CELF2: variants seen among roughly 807,000 people sequenced by gnomAD.
CELF2 encodes CUGBP Elav-like family member 2, also known as CUG triplet repeat RNA-binding protein 2.
A neutral mutation model predicts 62.6 loss-of-function variants in CELF2; 8 were observed. The ratio of observed to expected loss-of-function variants is 0.13; its 90% CI spans 0.07 to 0.23. The LOEUF is 0.23. Among genes scored for constraint, CELF2 ranks in the 10% least tolerant of loss-of-function variants. The pLI, the probability that CELF2 is intolerant of heterozygous loss-of-function variation, is 1.00. For missense variants in CELF2, 333 were observed against 671.0 expected, an observed-to-expected ratio of 0.50 and a Z score of 5.56; for synonymous variants, 258 against 250.0, an observed-to-expected ratio of 1.03 and a Z score of -0.30.
At chr10:11,253,026 G>A (rs560615315) in intron 4 of CELF2, among the ~76,000 whole-genome samples, 2 of 152,062 alleles carry the variant, frequency 1.3e-5, no homozygotes, top group Admixed American at 6.5e-5. Flanking sequence ...TGTGCCCAAC[G>A]AGGTACCAGC....
intron 3 of CELF2, among the ~76,000 whole-genome samples, chr10:11,232,013 T>C (rs574004813): frequency 2.6e-4 from 39 of 152,326 alleles, no homozygotes; most frequent in African/African-American, 8.9e-4. Context: ...TTATTATACT[T>C]TAAGTTTTAG....
chr10:10,619,128 A>G, the CELF2 span, among the ~76,000 whole-genome samples: 1 of 152,236 alleles, frequency 6.6e-6, no homozygotes, highest in African/African-American at 2.4e-5. Context: ...CTATTGGCAC[A>G]GCTGCTAGCA....
At chr10:10,557,114 T>A in the CELF2 span, among the ~76,000 whole-genome samples, 1 of 143,396 alleles carries the variant, frequency 7.0e-6, no homozygotes, top group African/African-American at 2.7e-5. Flanking sequence ...TGCCCATGCC[T>A]ATGTCCTGAA....
At chr10:10,813,385 A>T (rs949705509) in intron 1 of CELF2, among the ~76,000 whole-genome samples, 1 of 152,240 alleles carries the variant, frequency 6.6e-6, no homozygotes, top group Non-Finnish European at 1.5e-5. Flanking sequence ...TCTTATAAAG[A>T]TACAAATGTC....
chr10:11,274,275 G>T (rs1185802816), intron 7 of CELF2, among the ~76,000 whole-genome samples: 5 of 152,126 alleles, frequency 3.3e-5, no homozygotes, highest in Admixed American at 3.3e-4. Context: ...TTAAGCTGCG[G>T]TTCAGCTGAG....
rs142165302 is a variant in CELF2 at position 11,023,276 on chromosome 10, G to A, written c.74+5113G>A. On this transcript the variant is annotated intron_variant, in intron 1 of 12. Transcript: ENST00000633077. ...TTGTTTCCTCCACCAAGGAGGTGCC[G>A]AGTAATATAATGAAGCCAGTATCAG... 2.1e-3 allele frequency among the ~76,000 whole-genome samples: 314 copies of A among 152,302 alleles called. 2 individuals carry two copies. Among genetic ancestry groups the A allele is most frequent in the Non-Finnish European group, 3.2e-3 (218 of 68,028 alleles).
At chr10:11,259,128 A>G (rs1046985892) in intron 5 of CELF2, among the ~76,000 whole-genome samples, 1 of 152,252 alleles carries the variant, frequency 6.6e-6, no homozygotes, top group Admixed American at 6.5e-5. Flanking sequence ...CTGGGCCAGC[A>G]CTGGCACCCC....
At chr10:10,959,298 T>C (rs999901983) in intron 2 of CELF2, among the ~76,000 whole-genome samples, 4 of 152,028 alleles carry the variant, frequency 2.6e-5, no homozygotes, top group Admixed American at 2.6e-4. Context: ...AATAAAAAAG[T>C]CTTGGATCCA....
rs974372043 is a variant in CELF2, at chr10:11,242,987, C to T, written c.355-6166C>T. Among the ~76,000 whole-genome samples, 1 of 152,126 alleles carries T rather than the reference C, an allele frequency of 6.6e-6. No individual in the cohort carries two copies. Among genetic ancestry groups the T allele is most frequent in the Admixed American group, 6.6e-5 (1 of 15,264 alleles). ...AAACCACTGCGTGCTGTCGTGGGTG[C>T]AGAAGCTTAGCTTTGGGGTAGAAGG... On this transcript the variant is annotated intron_variant, in intron 3 of 12. Coordinates refer to ENST00000633077, the MANE Select transcript of CELF2 (RefSeq NM_001326342.2). This position sits in a 1 kb window ranked among gnomAD's most constrained non-coding sequence, Gnocchi z 4.8.
At chr10:10,849,909 G>GAGGC (rs2059274238) in intron 1 of CELF2, among the ~76,000 whole-genome samples, 1 of 151,944 alleles carries the variant, frequency 6.6e-6, no homozygotes, top group Non-Finnish European at 1.5e-5. Context: ...TTGGGAGGCC[G>GAGGC]AGGCAGGCAG....
intron 2 of CELF2, among the ~76,000 whole-genome samples, chr10:10,991,366 C>T (rs910527637): frequency 4.6e-5 from 7 of 152,088 alleles, no homozygotes; most frequent in East Asian, 1.9e-4. Flanking sequence ...ATGAGGCACA[C>T]GCTAAGGGGA....
At chr10:10,678,655 TTGAC>T in the CELF2 span, among the ~76,000 whole-genome samples, 1 of 152,112 alleles carries the variant, frequency 6.6e-6, no homozygotes, top group Non-Finnish European at 1.5e-5. Context: ...GTGAAGGAGA[TTGAC>T]TGTTGATAGG....
Position 11,280,416 on chromosome 10 carries a change from C to T in CELF2, c.841+5296C>T, listed in dbSNP as rs1226132835. On this transcript the variant is annotated intron_variant, in intron 8 of 12. Coordinates refer to ENST00000633077, the MANE Select transcript of CELF2 (RefSeq NM_001326342.2). The surrounding 1 kb of genome is among the most constrained non-coding windows in gnomAD (Gnocchi z 7.6). ...CGCACATCAGGCCAGTGCCTTTCCC[C>T]AAAACCGTTTCTCCCCCGCATAGGA... is the stretch of plus-strand genomic sequence containing the variant. Among the ~76,000 whole-genome samples the T allele has an allele frequency of 5.3e-5, 8 of 152,188 alleles. No homozygotes were observed. The highest frequency in any genetic ancestry group is 1.2e-4 in the Non-Finnish European group (8 of 68,020).
chr10:10,515,891 A>G, the CELF2 span, among the ~76,000 whole-genome samples: 1 of 152,230 alleles, frequency 6.6e-6, no homozygotes. Flanking sequence ...ATGATGGATG[A>G]TGTCACTTAA....
intron 3 of CELF2, among the ~76,000 whole-genome samples, chr10:11,235,817 G>T (rs775588705): frequency 1.1e-4 from 17 of 151,850 alleles, no homozygotes; most frequent in African/African-American, 4.1e-4. Flanking sequence ...TTTGGGGGGT[G>T]GGGGGACAGC....
intron 1 of CELF2, among the ~76,000 whole-genome samples, chr10:11,045,616 G>GAAATATTC (rs1304140480): frequency 4.6e-5 from 7 of 152,348 alleles, no homozygotes; most frequent in South Asian, 2.1e-4. Context: ...CATGTGTGAT[G>GAAATATTC]AAATATTCTT....
At chr10:10,705,555 A>G in the CELF2 span, among the ~76,000 whole-genome samples, 1 of 152,144 alleles carries the variant, frequency 6.6e-6, no homozygotes, top group African/African-American at 2.4e-5. Flanking sequence ...GCAAAAATCT[A>G]GAGTGGAGCC....
At chr10:10,571,252 C>T in the CELF2 span, among the ~76,000 whole-genome samples, 5 of 152,060 alleles carry the variant, frequency 3.3e-5, no homozygotes, top group African/African-American at 4.8e-5. Context: ...GAGCATTTAC[C>T]ATCCACAGAC....
intron 1 of CELF2, among the ~76,000 whole-genome samples, chr10:11,124,755 C>A (rs555208261): frequency 3.3e-5 from 5 of 152,160 alleles, no homozygotes; most frequent in African/African-American, 1.2e-4. Context: ...GTCTATTATA[C>A]GTGAAATTTC....
Sources: gnomAD v4.1 joint callset for allele counts (sites outside exome capture counted in the v4.1 genomes callset) on GRCh38, gnomAD v4.1.1 for gene constraint, Gnocchi (gnomAD v3.1) non-coding constraint, MANE v1.5 for transcripts, NCBI Gene and HGNC (gene_info 2026-07-23, HGNC 2026-07-21) for gene names.